Variants in FAM53B observed in about 807,000 individuals in gnomAD.
The protein encoded by FAM53B is protein FAM53B.
A neutral mutation model predicts 32.7 loss-of-function variants in FAM53B; 12 were observed. The observed-to-expected ratio is 0.37, with a 90% CI of 0.24 to 0.59. FAM53B has a LOEUF of 0.59. Among genes scored for constraint, FAM53B ranks in the 20% least tolerant of loss-of-function variants. The pLI is 0.72. For synonymous variants in FAM53B, 234 were observed against 228.7 expected, an observed-to-expected ratio of 1.02 and a Z score of -0.21; for missense variants, 477 against 577.7, an observed-to-expected ratio of 0.83 and a Z score of 1.79.
chr10:124,703,908 C>T (rs1949932631), intron 2 of FAM53B: 1 of 152,466 alleles, frequency 6.6e-6, no homozygotes, highest in South Asian at 2.1e-4. Flanking sequence ...AGTTTTCCTT[C>T]CCTGGCCAGG....
At chr10:124,697,873 T>A (rs1564880818) in intron 2 of FAM53B, among the ~76,000 whole-genome samples, 1 of 152,136 alleles carries the variant, frequency 6.6e-6, no homozygotes, top group Non-Finnish European at 1.5e-5. Flanking sequence ...TCTACCGCCA[T>A]CTGTGGAAAT....
chr10:124,650,325 C>A (rs1204816876), intron 4 of FAM53B, among the ~76,000 whole-genome samples: 1 of 152,232 alleles, frequency 6.6e-6, no homozygotes, highest in Non-Finnish European at 1.5e-5. Flanking sequence ...AATCTGAGAA[C>A]CAGGCATGAG....
intron 1 of FAM53B, among the ~76,000 whole-genome samples, chr10:124,729,275 A>G (rs559419896): frequency 6.6e-6 from 1 of 152,310 alleles, no homozygotes; most frequent in Admixed American, 6.5e-5. Flanking sequence ...GACACAGGAC[A>G]CCATTCCAGG....
intron 2 of FAM53B, among the ~76,000 whole-genome samples, chr10:124,697,350 C>T (rs1221485820): frequency 6.6e-6 from 1 of 152,174 alleles, no homozygotes; most frequent in Non-Finnish European, 1.5e-5. Flanking sequence ...ACAAGACTTC[C>T]AGGCTGGTAA....
chr10:124,726,889 C>T (rs1343013505), intron 1 of FAM53B, among the ~76,000 whole-genome samples: 1 of 152,224 alleles, frequency 6.6e-6, no homozygotes, highest in East Asian at 1.9e-4. Flanking sequence ...TTCCGTCTAA[C>T]ACCAGAAGTT....
chr10:124,738,132 T>C (rs980789751), intron 1 of FAM53B, among the ~76,000 whole-genome samples: 3 of 151,416 alleles, frequency 2.0e-5, no homozygotes, highest in South Asian at 2.1e-4. Flanking sequence ...CAAATGCCAA[T>C]AGGTTTGCTC....
chr10:124,672,126 G>C (rs957421570), intron 4 of FAM53B, among the ~76,000 whole-genome samples: 1 of 152,200 alleles, frequency 6.6e-6, no homozygotes, highest in East Asian at 1.9e-4. Context: ...TGCCAAAGGC[G>C]AAGTGGGCTA....
intron 1 of FAM53B, among the ~76,000 whole-genome samples, chr10:124,723,257 G>A (rs1255830852): frequency 6.6e-6 from 1 of 152,254 alleles, no homozygotes; most frequent in Non-Finnish European, 1.5e-5. Flanking sequence ...GGAAATGTCT[G>A]CTGAAACAAA....
chr10:124,623,637 G>GT, intron 4 of FAM53B, 33 bp from the exon 5 acceptor site: 1 of 1,587,528 alleles, frequency 6.3e-7, no homozygotes, highest in Non-Finnish European at 8.5e-7. Context: ...GTTACTAAGG[G>GT]TTACTCCCCT....
At chr10:124,627,193 G>C (rs905215531) in intron 4 of FAM53B, among the ~76,000 whole-genome samples, 1 of 152,144 alleles carries the variant, frequency 6.6e-6, no homozygotes, top group Non-Finnish European at 1.5e-5. Context: ...ACAATGGGGC[G>C]GTGTGTGTTC....
chr10:124,650,284 G>A (rs952602346), intron 4 of FAM53B, among the ~76,000 whole-genome samples: 1 of 152,214 alleles, frequency 6.6e-6, no homozygotes, highest in African/African-American at 2.4e-5. Context: ...AAGAGGCCCA[G>A]GTCATCGCGG....
intron 4 of FAM53B, among the ~76,000 whole-genome samples, chr10:124,657,794 T>G (rs1378419922): frequency 3.3e-5 from 5 of 152,182 alleles, no homozygotes; most frequent in African/African-American, 9.7e-5. Flanking sequence ...CTCCCTCTTT[T>G]CATGCCCATT....
chr10:124,713,707 T>C (rs925162777), intron 1 of FAM53B: 5 of 152,256 alleles, frequency 3.3e-5, no homozygotes, highest in Non-Finnish European at 7.3e-5. Flanking sequence ...AAGACAAGCT[T>C]TTCCTTCTTT....
chr10:124,709,128 G>A (rs1013902176), intron 1 of FAM53B, among the ~76,000 whole-genome samples: 20 of 152,190 alleles, frequency 1.3e-4, no homozygotes, highest in African/African-American at 4.6e-4. Flanking sequence ...TCCTCCTCTC[G>A]GCAATGGACG....
rs1949297633 is a variant in FAM53B, at chr10:124,620,173, A to G, written c.*3069T>C. 2 of 152,668 alleles carry G rather than the reference A, an allele frequency of 1.3e-5. No individual in the cohort carries two copies. Among genetic ancestry groups the G allele is most frequent in the Admixed American group, 1.3e-4 (2 of 15,290 alleles). 9.5% of individuals were successfully genotyped at this position (152,668 alleles called of 1,614,324 possible). A position where few individuals can be genotyped will look rare whatever the true frequency, so the allele number is the denominator to read the frequency against. On this transcript the variant is annotated 3_prime_UTR_variant, in exon 5 of 5. Coordinates refer to ENST00000337318, the MANE Select transcript of FAM53B (RefSeq NM_014661.4). Reference sequence around the variant, plus strand: ...GAAAATCTGTACGTCTGGTCAGAACAAGCTCCCCACGGGCCCAGGTGCACG... The same window carrying G: ...GAAAATCTGTACGTCTGGTCAGAACGAGCTCCCCACGGGCCCAGGTGCACG...
chr10:124,736,339 C>T (rs954218529), intron 1 of FAM53B, among the ~76,000 whole-genome samples: 41 of 152,366 alleles, frequency 2.7e-4, no homozygotes, highest in Admixed American at 2.2e-3. Context: ...TCCTACGGCC[C>T]GGTCCCCAGG....
chr10:124,658,351 G>T (rs1419068527), intron 4 of FAM53B, among the ~76,000 whole-genome samples: 1 of 152,188 alleles, frequency 6.6e-6, no homozygotes, highest in East Asian at 1.9e-4. Context: ...CCAGGCTATG[G>T]ACCTCTGAAT....
At chr10:124,743,163 G>A (rs1589771155) in intron 1 of FAM53B, among the ~76,000 whole-genome samples, 1 of 151,700 alleles carries the variant, frequency 6.6e-6, no homozygotes, top group Non-Finnish European at 1.5e-5. Context: ...GGGGGGGCGG[G>A]GGGAGCGAGA....
chr10:124,631,254 G>C (rs1480938283), intron 4 of FAM53B, among the ~76,000 whole-genome samples: 1 of 152,202 alleles, frequency 6.6e-6, no homozygotes, highest in African/African-American at 2.4e-5. Flanking sequence ...CGAGGCCTAG[G>C]ACCCAGCTGG....
Sources: gnomAD v4.1 joint callset for allele counts (sites outside exome capture counted in the v4.1 genomes callset) on GRCh38, gnomAD v4.1.1 for gene constraint, MANE v1.5 for transcripts, NCBI Gene and HGNC (gene_info 2026-07-23, HGNC 2026-07-21) for gene names.